The following GLG1 variants were observed in gnomAD, a reference collection of about 807,000 sequenced individuals.
The protein encoded by GLG1 is Golgi apparatus protein 1.
GLG1 carries 38 observed loss-of-function variants against 160.5 expected under a neutral mutation model. The ratio of observed to expected loss-of-function variants is 0.24; its 90% CI spans 0.18 to 0.31. GLG1 has a LOEUF of 0.31. Ranked by LOEUF, GLG1 falls within the 10% of genes least tolerant of loss-of-function variation. The probability of loss-of-function intolerance (pLI) is 1.00; values close to 1 mark genes in which losing one functional copy is unlikely to be tolerated. For missense variants in GLG1, 1,373 were observed against 1,505.2 expected, an observed-to-expected ratio of 0.91 and a Z score of 1.45; for synonymous variants, 644 against 543.4, an observed-to-expected ratio of 1.19 and a Z score of -2.57.
intron 1 of GLG1, among the ~76,000 whole-genome samples, chr16:74,532,953 T>TA (rs1040485535): frequency 6.8e-4 from 103 of 152,104 alleles, no homozygotes; most frequent in Admixed American, 1.6e-3. Context: ...AAAAGTTTTT[T>TA]AAAAAAAACA....
At chr16:74,579,191 A>G (rs1567536000) in intron 1 of GLG1, among the ~76,000 whole-genome samples, 3 of 151,976 alleles carry the variant, frequency 2.0e-5, no homozygotes, top group Non-Finnish European at 2.9e-5. Context: ...TTAAAAATAC[A>G]AACAACAACA....
At chr16:74,499,769 C>T (rs1402539206) in intron 4 of GLG1, among the ~76,000 whole-genome samples, 5 of 152,052 alleles carry the variant, frequency 3.3e-5, no homozygotes, top group East Asian at 1.9e-4. Flanking sequence ...TTTGGGAGGC[C>T]GAGGCAGGTG....
intron 1 of GLG1, among the ~76,000 whole-genome samples, chr16:74,582,632 A>C (rs1000060979): frequency 6.6e-6 from 1 of 151,814 alleles, no homozygotes; most frequent in Non-Finnish European, 1.5e-5. Context: ...CATCCTGGCT[A>C]ACACAGTGAA....
chr16:74,534,955 C>A (rs1297340148), intron 1 of GLG1, among the ~76,000 whole-genome samples: 1 of 152,170 alleles, frequency 6.6e-6, no homozygotes, highest in African/African-American at 2.4e-5. Context: ...TTAGGAGATA[C>A]AATATGAGCA....
At chr16:74,471,835 C>T (rs1253789253) in intron 14 of GLG1, among the ~76,000 whole-genome samples, 4 of 152,214 alleles carry the variant, frequency 2.6e-5, no homozygotes. Context: ...CTGCTGGCCA[C>T]ATACCTGTTT....
At chr16:74,597,318 C>T (rs969791024) in intron 1 of GLG1, among the ~76,000 whole-genome samples, 3 of 149,562 alleles carry the variant, frequency 2.0e-5, no homozygotes, top group Non-Finnish European at 3.0e-5. Context: ...ATAGTCCCAG[C>T]TACTCAGGAG....
intron 23 of GLG1, 53 bp from the exon 24 acceptor site, chr16:74,458,047 A>G: frequency 1.3e-6 from 2 of 1,583,362 alleles, no homozygotes; most frequent in Non-Finnish European, 1.7e-6. Flanking sequence ...AATGCATCAG[A>G]TCTGTTGTCT....
At chr16:74,566,381 GTTCT>G (rs2018654838) in intron 1 of GLG1, among the ~76,000 whole-genome samples, 1 of 152,206 alleles carries the variant, frequency 6.6e-6, no homozygotes, top group African/African-American at 2.4e-5. Flanking sequence ...CCCCAAGCCA[GTTCT>G]TTCTACCACG....
intron 1 of GLG1, among the ~76,000 whole-genome samples, chr16:74,545,970 AGTTT>A (rs2018033737): frequency 6.6e-6 from 1 of 152,232 alleles, no homozygotes; most frequent in Admixed American, 6.5e-5. Flanking sequence ...CATTTGTCTG[AGTTT>A]GTTACTGAAA....
chr16:74,469,913 C>T, intron 16 of GLG1, 72 bp downstream of exon 16: 1 of 967,942 alleles, frequency 1.0e-6, no homozygotes, highest in Non-Finnish European at 1.7e-6. Context: ...GGCTGCCTAA[C>T]ATCTCGCATA....
At chr16:74,585,464 T>G (rs573920537) in intron 1 of GLG1, among the ~76,000 whole-genome samples, 96 of 152,122 alleles carry the variant, frequency 6.3e-4, no homozygotes, top group African/African-American at 2.0e-3. Flanking sequence ...CCCAGCACTT[T>G]GGGAAGCTGA....
chr16:74,503,993 C>A lies in GLG1; in HGVS notation c.559-247G>T, dbSNP rs778543920. 3.3e-5 allele frequency among the ~76,000 whole-genome samples: 5 copies of A among 152,070 alleles called. No individual in the cohort carries two copies. The Middle Eastern group carries it at 0.014, about 414-fold the overall frequency. ...AGAAAAACCTGATTAATGTGTTTTG[C>A]AAAAGAATACCTACATATCAAATGC... On this transcript the variant is annotated intron_variant, in intron 3 of 25. Coordinates refer to ENST00000422840, the MANE Select transcript of GLG1 (RefSeq NM_001145667.2).
chr16:74,520,041 T>C (rs1295675377), intron 2 of GLG1, among the ~76,000 whole-genome samples: 1 of 152,242 alleles, frequency 6.6e-6, no homozygotes, highest in African/African-American at 2.4e-5. Context: ...GTCACTTATT[T>C]CATAGGCCTA....
chr16:74,477,074 C>T (rs945911010), intron 12 of GLG1, among the ~76,000 whole-genome samples: 3 of 152,150 alleles, frequency 2.0e-5, no homozygotes, highest in African/African-American at 2.4e-5. Context: ...AAAATGCCTA[C>T]CATGAAATCT....
At position 74,480,504 on chromosome 16, in the gene GLG1, C is replaced by A. The variant is rs917997473; in HGVS notation, c.1674-110G>T. The stretch of plus-strand genomic sequence containing the variant: ...CTTGTATACTCATTGATAATCACTT[C>A]CAGGGGCGTGGAGACAGAAGATATG... On this transcript the variant is annotated intron_variant, in intron 10 of 25. Transcript: ENST00000422840. 8 of 687,914 alleles carry A rather than the reference C, an allele frequency of 1.2e-5. No individual in the cohort carries two copies. In the Admixed American group the frequency reaches 2.3e-4, roughly 20 times the overall value. 42.6% of individuals were successfully genotyped at this position (687,914 alleles called of 1,614,324 possible).
rs761364103 is a variant in GLG1, at chr16:74,471,193, C to T, written c.2209G>A (p.Gly737Arg). 2.5e-6 allele frequency: 4 copies of T among 1,605,044 alleles called. No individual in the cohort carries two copies. The highest frequency in any genetic ancestry group is 2.2e-5 in the South Asian group (2 of 90,904). ...CTGACCAGCTGGAAGTGGGTAACTC[C>T]GATGGCACACTTCTCGTTCATGTCC... ...QKDMNEKCAI[G>R]VTHFQLVQMK... Residue 737 changes from glycine to arginine, a missense_variant, in exon 15 of 26, where the codon GGA becomes AGA. Physicochemically the swap from Gly to Arg is moderately radical, Grantham distance 125. This residue lies in a region of GLG1 where 491 missense variants were observed against 632.1 expected (regional missense o/e 0.78). Coordinates refer to ENST00000422840, the MANE Select transcript of GLG1 (RefSeq NM_001145667.2).
chr16:74,468,840 C>A, intron 17 of GLG1, 106 bp downstream of exon 17: 1 of 717,498 alleles, frequency 1.4e-6, no homozygotes, highest in Non-Finnish European at 2.6e-6. Flanking sequence ...CAAGTCTTAA[C>A]CATCACAGTA....
At chr16:74,498,468 T>TATATATATATATATATA (rs1491206560) in intron 4 of GLG1, among the ~76,000 whole-genome samples, 717 of 29,652 alleles carry the variant, frequency 0.024, 108 homozygotes, top group South Asian at 0.028. Context: ...ATATATATAT[T>TATATATATATATATATA]ATATTTTATA....
chr16:74,533,571 A>G (rs2017605828), intron 1 of GLG1, among the ~76,000 whole-genome samples: 2 of 152,006 alleles, frequency 1.3e-5, no homozygotes, highest in African/African-American at 4.8e-5. Context: ...ACTTGAGGTC[A>G]GGGGTTCAAG....
Sources: gnomAD v4.1 joint callset for allele counts (sites outside exome capture counted in the v4.1 genomes callset) on GRCh38, gnomAD v4.1.1 for gene constraint, gnomAD v4.1.1 regional missense constraint, MANE v1.5 for transcripts, NCBI Gene and HGNC (gene_info 2026-07-23, HGNC 2026-07-21) for gene names.